Variants in TP63 observed in about 807,000 individuals in gnomAD.
The protein encoded by TP63 is tumor protein 63.
In TP63, 17 loss-of-function variants were observed where a neutral mutation model predicts 82.8. The ratio of observed to expected loss-of-function variants is 0.21; its 90% CI spans 0.14 to 0.31. The LOEUF (loss-of-function observed/expected upper bound fraction) is 0.31, where lower values mean the gene tolerates loss of function less well. Ranked by LOEUF, TP63 falls within the 10% of genes least tolerant of loss-of-function variation. TP63 has a pLI of 1.00. For synonymous variants in TP63, 330 were observed against 321.7 expected (o/e 1.03, Z -0.28); for missense variants, 648 against 895.3 (o/e 0.72, Z 3.52).
chr3:189,659,472 A>G (rs933814031), intron 1 of TP63, among the ~76,000 whole-genome samples: 2 of 152,046 alleles, frequency 1.3e-5, no homozygotes, highest in Non-Finnish European at 1.5e-5. Flanking sequence ...GGAACCCCAA[A>G]TGGGCACCTT....
At position 189,875,613 on chromosome 3, in the gene TP63, T is replaced by TATATATACACAC. The variant is rs1553859699; in HGVS notation, c.1349+2625_1349+2626insCACACATATATA. On this transcript the variant is annotated intron_variant, in intron 10 of 13. Coordinates refer to ENST00000264731, the MANE Select transcript of TP63 (RefSeq NM_003722.5). ...ACATACATATATATATATATATATA[T>TATATATACACAC]ATATATATATATATATATATATATA... is the stretch of plus-strand genomic sequence containing the variant. Among the ~76,000 whole-genome samples, 5 of 105,506 alleles carry TATATATACACAC rather than the reference T, an allele frequency of 4.7e-5. 1 individual carries two copies. The highest frequency in any genetic ancestry group is 1.6e-4 in the African/African-American group (4 of 24,880). 69.2% of individuals were successfully genotyped at this position (105,506 alleles called of 152,430 possible).
At chr3:189,839,305 C>T (rs1190423901) in intron 4 of TP63, among the ~76,000 whole-genome samples, 34 of 152,164 alleles carry the variant, frequency 2.2e-4, no homozygotes, top group Admixed American at 2.2e-3. Context: ...GACTTAATTC[C>T]TGCCGGAAGG....
intron 3 of TP63, among the ~76,000 whole-genome samples, chr3:189,751,613 G>A (rs1410503406): frequency 1.3e-5 from 2 of 152,154 alleles, no homozygotes; most frequent in African/African-American, 4.8e-5. Context: ...CTGCATAAAT[G>A]TCTTCTTTTG....
At chr3:189,624,961 CTA>C in the TP63 span, among the ~76,000 whole-genome samples, 3 of 152,102 alleles carry the variant, frequency 2.0e-5, no homozygotes, top group Non-Finnish European at 4.4e-5. Context: ...CAAACCCAAA[CTA>C]AAAGTATTCC....
At chr3:189,845,674 G>T (rs1325107764) in intron 4 of TP63, among the ~76,000 whole-genome samples, 1 of 149,644 alleles carries the variant, frequency 6.7e-6, no homozygotes, top group East Asian at 2.0e-4. Context: ...CATGCCAGAC[G>T]TGAATTGATC....
At chr3:189,656,637 G>T (rs897637441) in intron 1 of TP63, among the ~76,000 whole-genome samples, 2 of 152,040 alleles carry the variant, frequency 1.3e-5, no homozygotes, top group Non-Finnish European at 2.9e-5. Flanking sequence ...TTAAATACAA[G>T]GACAGAGATA....
chr3:189,863,609 C>A (rs1717313954), intron 4 of TP63, among the ~76,000 whole-genome samples: 1 of 152,166 alleles, frequency 6.6e-6, no homozygotes, highest in South Asian at 2.1e-4. Context: ...GACCAAACAG[C>A]CCCTTTCAGC....
chr3:189,721,483 T>C (rs906433298), intron 1 of TP63, among the ~76,000 whole-genome samples: 4 of 152,126 alleles, frequency 2.6e-5, no homozygotes, highest in Non-Finnish European at 5.9e-5. Context: ...TTTTTTTTTT[T>C]TCTCTGCATT....
intron 4 of TP63, among the ~76,000 whole-genome samples, chr3:189,815,739 AAGTT>A (rs1055636775): frequency 1.2e-4 from 18 of 152,148 alleles, no homozygotes; most frequent in African/African-American, 3.6e-4. Flanking sequence ...AATTAATTGG[AAGTT>A]AGTTATTAAA....
the TP63 span, among the ~76,000 whole-genome samples, chr3:189,608,163 CTG>C: frequency 6.6e-6 from 1 of 151,988 alleles, no homozygotes; most frequent in Non-Finnish European, 1.5e-5. Context: ...GTTGTGTGTA[CTG>C]TGTGTGCATG....
At chr3:189,728,636 C>T (rs1408833306) in intron 1 of TP63, among the ~76,000 whole-genome samples, 2 of 152,098 alleles carry the variant, frequency 1.3e-5, no homozygotes, top group Non-Finnish European at 2.9e-5. Context: ...TTTATAAAGA[C>T]AAGAGATTTA....
At chr3:189,863,246 T>TG (rs1717261546) in intron 4 of TP63, among the ~76,000 whole-genome samples, 2 of 152,192 alleles carry the variant, frequency 1.3e-5, no homozygotes. Context: ...TTCCAGTGCC[T>TG]GGGTGGTTTG....
intron 3 of TP63, among the ~76,000 whole-genome samples, chr3:189,801,817 G>T (rs982136587): frequency 6.6e-6 from 1 of 152,078 alleles, no homozygotes; most frequent in Non-Finnish European, 1.5e-5. Context: ...ATAGTTTTGG[G>T]TGCGTTTAAA....
At chr3:189,656,448 A>T (rs924751013) in intron 1 of TP63, among the ~76,000 whole-genome samples, 1 of 152,156 alleles carries the variant, frequency 6.6e-6, no homozygotes, top group African/African-American at 2.4e-5. Flanking sequence ...GGAGATGGGG[A>T]ACAAAGAACA....
intron 4 of TP63, among the ~76,000 whole-genome samples, chr3:189,852,190 A>T (rs1715723801): frequency 6.6e-6 from 1 of 152,192 alleles, no homozygotes; most frequent in African/African-American, 2.4e-5. Flanking sequence ...GTTGGACAAG[A>T]GTCTGTTTTC....
intron 1 of TP63, among the ~76,000 whole-genome samples, chr3:189,658,613 G>GA (rs1167157088): frequency 6.6e-6 from 1 of 151,986 alleles, no homozygotes; most frequent in East Asian, 1.9e-4. Flanking sequence ...CTAATCATGA[G>GA]AAAACATTAG....
intron 10 of TP63, chr3:189,880,134 T>G (rs1484498366): frequency 1.9e-6 from 3 of 1,613,820 alleles, no homozygotes; most frequent in South Asian, 2.2e-5. Context: ...ATCTGACGTC[T>G]TCTTTAGACA....
intron 1 of TP63, among the ~76,000 whole-genome samples, chr3:189,638,918 A>G (rs1010384177): frequency 2.0e-5 from 3 of 152,168 alleles, no homozygotes; most frequent in African/African-American, 7.2e-5. Context: ...CTTAGACCCA[A>G]TGCCCCAATA....
At chr3:189,801,784 T>C (rs1317481293) in intron 3 of TP63, among the ~76,000 whole-genome samples, 2 of 152,368 alleles carry the variant, frequency 1.3e-5, no homozygotes, top group Admixed American at 6.5e-5. Flanking sequence ...GGACATCTAG[T>C]GAACTCTCTG....
Sources: gnomAD v4.1 joint callset for allele counts (sites outside exome capture counted in the v4.1 genomes callset) on GRCh38, gnomAD v4.1.1 for gene constraint, MANE v1.5 for transcripts, NCBI Gene and HGNC (gene_info 2026-07-23, HGNC 2026-07-21) for gene names.